Variants in CPE observed in about 807,000 individuals in gnomAD.
CPE encodes the protein carboxypeptidase E, also known as carbocypeptidase E.
Under a neutral mutation model 53.5 loss-of-function variants are expected in CPE, and 17 were observed. That is an observed-to-expected ratio of 0.32 (90% CI 0.22 to 0.48). The LOEUF is 0.48. Among genes scored for constraint, CPE ranks in the 20% least tolerant of loss-of-function variants. CPE has a pLI of 0.99. For synonymous variants in CPE, 226 were observed against 228.8 expected (o/e 0.99, Z 0.11); for missense variants, 524 against 614.7 (o/e 0.85, Z 1.56).
intron 1 of CPE, among the ~76,000 whole-genome samples, chr4:165,435,460 G>A (rs1232227788): frequency 2.0e-5 from 3 of 152,056 alleles, no homozygotes; most frequent in Non-Finnish European, 4.4e-5. Flanking sequence ...ACATGTTATG[G>A]GTTATTATAT....
intron 3 of CPE, 151 bp from the exon 4 acceptor site, chr4:165,482,091 A>C: frequency 2.4e-6 from 1 of 419,076 alleles, no homozygotes; most frequent in Non-Finnish European, 4.2e-6. Context: ...CTTTTGTAGG[A>C]ACCTTTATTT....
At chr4:165,440,457 C>G (rs544649657) in intron 1 of CPE, among the ~76,000 whole-genome samples, 2 of 143,738 alleles carry the variant, frequency 1.4e-5, no homozygotes, top group African/African-American at 5.5e-5. Flanking sequence ...CAACCCCACC[C>G]CCCCCCACAC....
Position 165,379,113 on chromosome 4 carries a change from G to C in CPE, c.-109G>C, listed in dbSNP as rs571068220. 1,508 of 986,398 alleles carry C rather than the reference G, an allele frequency of 1.5e-3. No individual in the cohort carries two copies. Among genetic ancestry groups the C allele is most frequent in the Non-Finnish European group, 1.8e-3 (1,402 of 775,868 alleles). 61.1% of individuals were successfully genotyped at this position (986,398 alleles called of 1,614,324 possible). On this transcript the variant is annotated 5_prime_UTR_variant, in exon 1 of 9. Coordinates refer to ENST00000402744, the MANE Select transcript of CPE (RefSeq NM_001873.4). The surrounding 1 kb of genome is among the most constrained non-coding windows in gnomAD (Gnocchi z 6.0). The stretch of plus-strand genomic sequence containing the variant: ...GGGAAGGTGAGGCGAGTAGAGGCTG[G>C]TGCGGAACTTGCCGCCCCCAGCAGC...
intron 1 of CPE, among the ~76,000 whole-genome samples, chr4:165,411,289 C>T (rs1421232571): frequency 2.6e-5 from 4 of 152,158 alleles, no homozygotes; most frequent in Non-Finnish European, 5.9e-5. Flanking sequence ...GACTTTTGGT[C>T]AAACTAAACT....
intron 6 of CPE, 97 bp downstream of exon 6, chr4:165,487,674 T>C: frequency 7.4e-7 from 1 of 1,357,476 alleles, no homozygotes; most frequent in Non-Finnish European, 1.0e-6. Context: ...ATCCGTCTGG[T>C]GCAGAATGAG....
chr4:165,387,702 A>G (rs576834423), intron 1 of CPE, among the ~76,000 whole-genome samples: 19 of 152,246 alleles, frequency 1.2e-4, no homozygotes, highest in Non-Finnish European at 4.4e-5. Context: ...CCAGCTACTC[A>G]GGAGGCTGAG....
intron 6 of CPE, among the ~76,000 whole-genome samples, chr4:165,489,618 T>C (rs1462759024): frequency 6.6e-6 from 1 of 152,188 alleles, no homozygotes; most frequent in Non-Finnish European, 1.5e-5. Flanking sequence ...TTGATGCCAA[T>C]AAGATCATCA....
At chr4:165,459,269 A>G (rs1463260399) in intron 1 of CPE, among the ~76,000 whole-genome samples, 1 of 152,196 alleles carries the variant, frequency 6.6e-6, no homozygotes, top group Non-Finnish European at 1.5e-5. Flanking sequence ...TGCCTTAATT[A>G]AAACTGTGGA....
chr4:165,457,930 T>C (rs1731931504), intron 1 of CPE, among the ~76,000 whole-genome samples: 1 of 152,228 alleles, frequency 6.6e-6, no homozygotes, highest in East Asian at 1.9e-4. Flanking sequence ...GACTTGCATT[T>C]CCTTTAGGAA....
At chr4:165,443,780 C>T (rs1731656172) in intron 1 of CPE, among the ~76,000 whole-genome samples, 1 of 152,168 alleles carries the variant, frequency 6.6e-6, no homozygotes, top group Non-Finnish European at 1.5e-5. Context: ...TTTGTGTTCT[C>T]CCAAAAGTAA....
Position 165,467,783 on chromosome 4 carries a change from G to C in CPE, c.600G>C (p.Val200=). The C allele has an allele frequency of 6.2e-7, 1 of 1,613,788 alleles. No homozygotes were observed. The highest frequency in any genetic ancestry group is 8.5e-7 in the Non-Finnish European group (1 of 1,179,868). ...NFPDLDRIVY[V]NEKEGGPNNH... ...CAGACCTGGATAGGATAGTGTACGT[G>C]AATGAGAAAGAAGGTGGTCCAAATA... Residue 200 remains valine (V), a synonymous_variant, in exon 3 of 9, where the codon GTG becomes GTC. Transcript: ENST00000402744.
At chr4:165,476,700 AGGCCC>A (rs1579279230) in intron 3 of CPE, among the ~76,000 whole-genome samples, 2 of 152,056 alleles carry the variant, frequency 1.3e-5, no homozygotes, top group East Asian at 1.9e-4. Flanking sequence ...TGTTGGGAGA[AGGCCC>A]TCTCCTGCCC....
intron 1 of CPE, chr4:165,386,199 AATT>A (rs1401868303): frequency 1.9e-6 from 1 of 513,120 alleles, no homozygotes; most frequent in South Asian, 1.5e-5. Context: ...ATGTGGCAAC[AATT>A]ATTATTACCT....
intron 1 of CPE, chr4:165,415,307 C>T (rs1193101166): frequency 1.2e-5 from 2 of 167,000 alleles, no homozygotes; most frequent in Non-Finnish European, 2.9e-5. Context: ...GCTATTGTGT[C>T]AGAACGGATT....
intron 3 of CPE, among the ~76,000 whole-genome samples, chr4:165,469,405 G>A (rs1732162677): frequency 6.6e-6 from 1 of 152,100 alleles, no homozygotes; most frequent in African/African-American, 2.4e-5. Flanking sequence ...CTTGGCCCCT[G>A]GAAGCTGCCG....
intron 3 of CPE, among the ~76,000 whole-genome samples, chr4:165,471,504 C>G (rs1732206082): frequency 6.6e-6 from 1 of 152,192 alleles, no homozygotes; most frequent in Admixed American, 6.5e-5. Flanking sequence ...TCCTATCATA[C>G]TTGGCCTGGT....
At chr4:165,495,723 A>G (rs971592941) in intron 8 of CPE, 46 bp downstream of exon 8, 18 of 1,336,886 alleles carry the variant, frequency 1.3e-5, no homozygotes, top group Non-Finnish European at 1.8e-5. Context: ...ATAATTAAGC[A>G]TTTATCATTG....
intron 3 of CPE, among the ~76,000 whole-genome samples, chr4:165,481,722 A>G (rs1732417127): frequency 6.6e-6 from 1 of 152,222 alleles, no homozygotes; most frequent in African/African-American, 2.4e-5. Flanking sequence ...AAGAGACTCA[A>G]CCTAATATTC....
chr4:165,402,664 C>T (rs960828367), intron 1 of CPE, among the ~76,000 whole-genome samples: 6 of 152,152 alleles, frequency 3.9e-5, no homozygotes, highest in Non-Finnish European at 2.9e-5. Flanking sequence ...CCCCAGAAGC[C>T]GTGTAGACGC....
Sources: allele counts gnomAD v4.1 joint callset (sites outside exome capture counted in the v4.1 genomes callset), GRCh38; gene constraint gnomAD v4.1.1; non-coding constraint Gnocchi (gnomAD v3.1); transcripts MANE v1.5; gene names NCBI Gene and HGNC (gene_info 2026-07-23, HGNC 2026-07-21).